The following GGA2 variants were observed in gnomAD, a reference collection of about 807,000 sequenced individuals.
GGA2 encodes golgi associated, gamma adaptin ear containing, ARF binding protein 2.
GGA2 carries 48 observed loss-of-function variants against 79.5 expected under a neutral mutation model. The ratio of observed to expected loss-of-function variants is 0.60; its 90% CI spans 0.48 to 0.77. GGA2 has a LOEUF of 0.77. Ranked by LOEUF, GGA2 falls within the 30% of genes least tolerant of loss-of-function variation. The pLI is 0.00. For missense variants in GGA2, 770 were observed against 774.0 expected, an observed-to-expected ratio of 0.99 and a Z score of 0.06; for synonymous variants, 317 against 302.0, an observed-to-expected ratio of 1.05 and a Z score of -0.51.
In GGA2 at chr16:23,478,216, A is replaced by AG. The variant is rs1964599892; in HGVS notation, c.1292+151_1292+152insC. ...CCCGTCTCAAAAAAAAAAAAAAAAG[A>AG]AAAAAAGACAAAAAAAAAAAAAAGA... On this transcript the variant is annotated intron_variant, in intron 13 of 16. Coordinates refer to ENST00000309859, the MANE Select transcript of GGA2 (RefSeq NM_015044.4). 3.8e-4 allele frequency: 214 copies of AG among 568,558 alleles called. 1 individual carries two copies. Among genetic ancestry groups the AG allele is most frequent in the Middle Eastern group, 1.1e-3 (2 of 1,746 alleles). The allele number at this position is 568,558 out of a possible 1,614,324, so 35.2% of individuals were successfully genotyped here.
At chr16:23,518,595 T>C (rs1965116962) in intron 2 of GGA2, among the ~76,000 whole-genome samples, 1 of 152,188 alleles carries the variant, frequency 6.6e-6, no homozygotes, top group South Asian at 2.1e-4. Context: ...TCAAAGGTAG[T>C]TTCTCCCAGA....
At chr16:23,474,480 C>G (rs1026359972) in intron 14 of GGA2, among the ~76,000 whole-genome samples, 9 of 152,258 alleles carry the variant, frequency 5.9e-5, no homozygotes, top group Non-Finnish European at 1.2e-4. Context: ...GCCTCAGCCT[C>G]CCAAGTAGCT....
chr16:23,497,806 G>T (rs1229593151), intron 1 of GGA2, among the ~76,000 whole-genome samples: 2 of 152,104 alleles, frequency 1.3e-5, no homozygotes, highest in Admixed American at 6.5e-5. Flanking sequence ...CATGTACTTG[G>T]ACTCGCTGAG....
At chr16:23,480,604 G>T in intron 10 of GGA2, 41 bp downstream of exon 10, 1 of 1,570,848 alleles carries the variant, frequency 6.4e-7, no homozygotes, top group Non-Finnish European at 8.7e-7. Flanking sequence ...ATTACAGGCT[G>T]CCCCAAGGCA....
upstream of GGA2, chr16:23,510,637 T>A (rs1055366924): frequency 1.3e-5 from 5 of 377,260 alleles, no homozygotes; most frequent in East Asian, 3.8e-5. Flanking sequence ...CCACTCACCG[T>A]ACGGTTGCCA....
At chr16:23,484,506 A>G (rs1260486270) in intron 8 of GGA2, among the ~76,000 whole-genome samples, 2 of 152,238 alleles carry the variant, frequency 1.3e-5, no homozygotes, top group East Asian at 3.8e-4. Context: ...AAACTGTCTG[A>G]TAAGGAACCT....
chr16:23,491,603 T>G lies in GGA2; in HGVS notation c.475+74A>C. On this transcript the variant is annotated intron_variant, in intron 5 of 16. Coordinates refer to ENST00000309859, the MANE Select transcript of GGA2 (RefSeq NM_015044.4). ...AGAAGTACAGCTTTCAACAAAAAAT[T>G]ATAAGGCAGATGAAAAAGCAAGAAG... 3.5e-6 allele frequency: 5 copies of G among 1,434,418 alleles called. No homozygotes were observed. In the Middle Eastern group the frequency reaches 5.4e-4, roughly 154 times the overall value. 88.9% of individuals were successfully genotyped at this position (1,434,418 alleles called of 1,614,324 possible).
chr16:23,524,274 C>T, upstream of GGA2: 1 of 1,036,232 alleles, frequency 9.7e-7, no homozygotes, highest in East Asian at 2.4e-5. Context: ...CTTCAGCAAA[C>T]TTCCCGACGG....
chr16:23,494,071 T>C, intron 3 of GGA2: 1 of 554,852 alleles, frequency 1.8e-6, no homozygotes, highest in Non-Finnish European at 3.2e-6. Flanking sequence ...AAAACCTTCC[T>C]TTCCTTCTCC....
intron 2 of GGA2, 128 bp downstream of exon 2, chr16:23,495,566 G>T: frequency 2.1e-6 from 1 of 485,222 alleles, no homozygotes; most frequent in Non-Finnish European, 3.7e-6. Context: ...CAAACTGTTG[G>T]GATTATAGGC....
rs1242952711 is a variant in GGA2, at chr16:23,469,296, T to G, written c.1621-300A>C. 9.7e-6 allele frequency: 3 copies of G among 309,918 alleles called. No homozygotes were observed. In the Admixed American group the frequency reaches 1.1e-4, roughly 12 times the overall value. The allele number at this position is 309,918 out of a possible 1,614,324, so 19.2% of individuals were successfully genotyped here. ...CATCTTGGGTTGAATTCTAACTGCT[T>G]CTCACTAGCTCTGTGACCTTGAGTA... On this transcript the variant is annotated intron_variant, in intron 15 of 16. Coordinates refer to ENST00000309859, the MANE Select transcript of GGA2 (RefSeq NM_015044.4).
Position 23,479,491 on chromosome 16 carries a change from C to G in GGA2, c.1129+274G>C, listed in dbSNP as rs531841615. ...GCTCCCTCAGCAGCAGACACGTGTT[C>G]TCCGAGGGTCCAGCTCACTCCCCTA... On this transcript the variant is annotated intron_variant, in intron 11 of 16. Coordinates refer to ENST00000309859, the MANE Select transcript of GGA2 (RefSeq NM_015044.4). 2.2e-4 allele frequency among the ~76,000 whole-genome samples: 33 copies of G among 151,814 alleles called. 1 individual carries two copies. In the South Asian group the frequency reaches 6.5e-3, roughly 30 times the overall value.
upstream of GGA2, chr16:23,510,613 C>A (rs1596998956): frequency 5.3e-6 from 2 of 380,424 alleles, no homozygotes; most frequent in African/African-American, 2.1e-5. Flanking sequence ...CCACCCAGCG[C>A]TGGTCTTCTA....
intron 1 of GGA2, among the ~76,000 whole-genome samples, chr16:23,509,503 G>A (rs765394137): frequency 5.3e-5 from 8 of 152,068 alleles, no homozygotes; most frequent in Non-Finnish European, 8.8e-5. Flanking sequence ...AAATGTTTTG[G>A]TGAGCAAGGA....
intron 2 of GGA2, among the ~76,000 whole-genome samples, chr16:23,517,774 T>C (rs996486067): frequency 6.6e-6 from 1 of 152,056 alleles, no homozygotes; most frequent in Non-Finnish European, 1.5e-5. Flanking sequence ...TAATTTTTTG[T>C]GTTTTTAGTA....
intron 14 of GGA2, among the ~76,000 whole-genome samples, chr16:23,470,847 T>C (rs1272292645): frequency 1.3e-5 from 1 of 79,588 alleles, no homozygotes; most frequent in African/African-American, 5.6e-5. Context: ...TTTTTTTTTT[T>C]GGACAGACTT....
chr16:23,476,656 G>A (rs1353397095), intron 13 of GGA2, among the ~76,000 whole-genome samples: 1 of 152,130 alleles, frequency 6.6e-6, no homozygotes, highest in East Asian at 1.9e-4. Context: ...TTAAAATCCT[G>A]TTTGTGTAAC....
chr16:23,491,328 A>C (rs954260496), intron 5 of GGA2, among the ~76,000 whole-genome samples: 77 of 151,248 alleles, frequency 5.1e-4, no homozygotes, highest in Non-Finnish European at 1.9e-4. Context: ...AAAAAAAAAA[A>C]ACCAAAAGGT....
chr16:23,519,504 G>C (rs1965122869), intron 2 of GGA2: 1 of 313,048 alleles, frequency 3.2e-6, no homozygotes, highest in African/African-American at 2.2e-5. Context: ...ACCCAGGCTA[G>C]GCCAATCAGA....
Sources: gnomAD v4.1 joint callset for allele counts (sites outside exome capture counted in the v4.1 genomes callset) on GRCh38, gnomAD v4.1.1 for gene constraint, MANE v1.5 for transcripts, NCBI Gene and HGNC (gene_info 2026-07-23, HGNC 2026-07-21) for gene names.